The following GPC6 variants were observed in gnomAD, a reference collection of about 807,000 sequenced individuals.
GPC6 encodes glypican-6.
Under a neutral mutation model 55.2 loss-of-function variants are expected in GPC6, and 14 were observed. The observed-to-expected ratio is 0.25, with a 90% CI of 0.17 to 0.40. The LOEUF (loss-of-function observed/expected upper bound fraction) is 0.40, where lower values mean the gene tolerates loss of function less well. Among genes scored for constraint, GPC6 ranks in the 10% least tolerant of loss-of-function variants. The probability of loss-of-function intolerance (pLI) is 1.00; values close to 1 mark genes in which losing one functional copy is unlikely to be tolerated. For synonymous variants in GPC6, 278 were observed against 259.6 expected (o/e 1.07, Z -0.68); for missense variants, 641 against 708.5 (o/e 0.90, Z 1.08).
chr13:94,271,355 T>TAC (rs200714304), intron 4 of GPC6, among the ~76,000 whole-genome samples: 23 of 128,262 alleles, frequency 1.8e-4, no homozygotes, highest in East Asian at 6.7e-4. Context: ...ACTTGTTAAA[T>TAC]ACACACACAC....
At position 93,979,496 on chromosome 13, in the gene GPC6, T is replaced by C. The variant is rs72644494; in HGVS notation, c.712-48233T>C. On this transcript the variant is annotated intron_variant, in intron 3 of 8. Coordinates refer to ENST00000377047, the MANE Select transcript of GPC6 (RefSeq NM_005708.5). ...CACTGTATTAATAATGGTAGAGCAA[T>C]GCTACCCAGAGTGGTCTATAATTCA... Among the ~76,000 whole-genome samples the C allele has an allele frequency of 3.5e-3, 537 of 152,072 alleles. 8 individuals carry two copies. Among genetic ancestry groups the C allele is most frequent in the Non-Finnish European group, 2.4e-3 (164 of 67,970 alleles).
In GPC6 at chr13:93,661,921, GT is replaced by G. The variant is rs1355526407; in HGVS notation, c.319+116501del. 2.0e-5 allele frequency among the ~76,000 whole-genome samples: 3 copies of G among 152,082 alleles called. No homozygotes were observed. The East Asian group carries it at 5.8e-4, about 29-fold the overall frequency. ...TTTCAGATAACTCCAGAGTTCTTTT[GT>G]GCCTGGGCCAGCTATTTTTCAATGA... On this transcript the variant is annotated intron_variant, in intron 2 of 8. Transcript: ENST00000377047.
intron 2 of GPC6, among the ~76,000 whole-genome samples, chr13:93,725,418 A>C (rs993247819): frequency 6.6e-6 from 1 of 152,114 alleles, no homozygotes; most frequent in Non-Finnish European, 1.5e-5. Flanking sequence ...TCCTAAAAGC[A>C]GAATTAGAGG....
chr13:93,658,743 T>C (rs765353864), intron 2 of GPC6, among the ~76,000 whole-genome samples: 49 of 151,898 alleles, frequency 3.2e-4, no homozygotes, highest in Admixed American at 2.4e-3. Context: ...TAGCATATTA[T>C]AAAACATACT....
At chr13:93,531,503 A>G (rs1390503653) in intron 1 of GPC6, among the ~76,000 whole-genome samples, 1 of 152,102 alleles carries the variant, frequency 6.6e-6, no homozygotes, top group Non-Finnish European at 1.5e-5. Flanking sequence ...AGGCCTGCCC[A>G]CATTATTGAG....
chr13:94,071,308 C>A (rs1884725978), intron 4 of GPC6, among the ~76,000 whole-genome samples: 1 of 152,014 alleles, frequency 6.6e-6, no homozygotes, highest in African/African-American at 2.4e-5. Context: ...TAGAATAAAG[C>A]ATGTGGTGTA....
chr13:93,868,924 G>A (rs1889047945), intron 3 of GPC6, among the ~76,000 whole-genome samples: 2 of 151,798 alleles, frequency 1.3e-5, no homozygotes, highest in Non-Finnish European at 2.9e-5. Context: ...TTGGCTGCAA[G>A]TAGGAGGAGA....
chr13:94,393,547 T>C (rs1483672851), intron 7 of GPC6, among the ~76,000 whole-genome samples: 1 of 152,180 alleles, frequency 6.6e-6, no homozygotes, highest in African/African-American at 2.4e-5. Flanking sequence ...CAACAAACAG[T>C]ACTGAAATTG....
chr13:93,580,569 G>A (rs774021831), intron 2 of GPC6, among the ~76,000 whole-genome samples: 3 of 152,062 alleles, frequency 2.0e-5, no homozygotes, highest in Middle Eastern at 3.4e-3. Context: ...TATGTGCCAC[G>A]TGCTATGGAT....
In GPC6 at chr13:94,306,083, A is replaced by G. The variant is rs781099750; in HGVS notation, c.1112A>G (p.Glu371Gly). The change falls in exon 6 of 9, where the codon GAA becomes GGA. Residue 371 changes from glutamate (E) to glycine (G), a missense_variant. By Grantham distance (98) the Glu-to-Gly change is moderately conservative. Coordinates refer to ENST00000377047, the MANE Select transcript of GPC6 (RefSeq NM_005708.5). Reference sequence around the variant, plus strand: ...CGTTTCAGGCCCTACAATCCTGAGGAAAGACCAACAACTGCTGCAGGCACA... The same window carrying G: ...CGTTTCAGGCCCTACAATCCTGAGGGAAGACCAACAACTGCTGCAGGCACA... ...NTRFRPYNPEERPTTAAGTSL... is the reference protein window; with the variant it reads ...NTRFRPYNPEGRPTTAAGTSL... 1.9e-6 allele frequency: 3 copies of G among 1,614,074 alleles called. No individual in the cohort carries two copies. The highest frequency in any genetic ancestry group is 1.3e-5 in the African/African-American group (1 of 74,932).
rs551626908 is a variant in GPC6 at position 93,258,942 on chromosome 13, A to C, written c.160+31326A>C. On this transcript the variant is annotated intron_variant, in intron 1 of 8. Transcript: ENST00000377047. ...TCCAGCCTAGGTGACAGAGTGAGAC[A>C]CTGTCTCGAAAAATGAACAATAACA... is the stretch of plus-strand genomic sequence containing the variant. Among the ~76,000 whole-genome samples the C allele has an allele frequency of 3.7e-4, 56 of 152,098 alleles. 1 individual carries two copies. Among genetic ancestry groups the C allele is most frequent in the Middle Eastern group, 3.4e-3 (1 of 294 alleles).
chr13:94,364,891 G>T (rs1218361235), intron 6 of GPC6, among the ~76,000 whole-genome samples: 2 of 152,170 alleles, frequency 1.3e-5, no homozygotes, highest in East Asian at 3.8e-4. Context: ...AACTTATTTT[G>T]CAAATAAGGG....
intron 1 of GPC6, among the ~76,000 whole-genome samples, chr13:93,489,905 A>T (rs113341697): frequency 6.6e-6 from 1 of 151,592 alleles, no homozygotes; most frequent in African/African-American, 2.4e-5. Flanking sequence ...CAATCATGTC[A>T]TCTGCAAACA....
chr13:93,630,605 A>G (rs760112653), intron 2 of GPC6, among the ~76,000 whole-genome samples: 1 of 152,182 alleles, frequency 6.6e-6, no homozygotes, highest in Non-Finnish European at 1.5e-5. Context: ...AGGAACATCC[A>G]TTTATTTGGT....
intron 2 of GPC6, among the ~76,000 whole-genome samples, chr13:93,828,479 A>T (rs568149879): frequency 6.6e-6 from 1 of 152,262 alleles, no homozygotes; most frequent in Admixed American, 6.5e-5. Context: ...ATCAGCATAC[A>T]GCATATATAA....
chr13:93,219,168 A>C, the GPC6 span, among the ~76,000 whole-genome samples: 1 of 149,772 alleles, frequency 6.7e-6, no homozygotes, highest in East Asian at 2.0e-4. Context: ...ATCTCAGCTC[A>C]CTGCAACCTC....
chr13:93,286,991 C>T (rs1878150264), intron 1 of GPC6, among the ~76,000 whole-genome samples: 1 of 151,954 alleles, frequency 6.6e-6, no homozygotes. Flanking sequence ...TATACACAAA[C>T]GTTGTTTCAT....
chr13:93,599,167 T>G (rs956094692), intron 2 of GPC6, among the ~76,000 whole-genome samples: 8 of 152,292 alleles, frequency 5.3e-5, no homozygotes, highest in African/African-American at 1.9e-4. Flanking sequence ...TCCAGCAATC[T>G]TTGCTGAATA....
At chr13:93,832,363 A>G (rs2138984673) in intron 3 of GPC6, among the ~76,000 whole-genome samples, 1 of 151,954 alleles carries the variant, frequency 6.6e-6, no homozygotes, top group Admixed American at 6.6e-5. Flanking sequence ...TTAATTTAAT[A>G]AGTTAAACTC....
Sources: gnomAD v4.1 joint callset for allele counts (sites outside exome capture counted in the v4.1 genomes callset) on GRCh38, gnomAD v4.1.1 for gene constraint, MANE v1.5 for transcripts, NCBI Gene and HGNC (gene_info 2026-07-23, HGNC 2026-07-21) for gene names.